PDGFRB: variants seen among roughly 807,000 people sequenced by gnomAD.
PDGFRB encodes platelet derived growth factor receptor beta, also known as platelet-derived growth factor receptor beta.
PDGFRB carries 42 observed loss-of-function variants against 120.2 expected under a neutral mutation model. That is an observed-to-expected ratio of 0.35 (90% CI 0.27 to 0.45). PDGFRB has a LOEUF of 0.45. Ranked by LOEUF, PDGFRB falls within the 20% of genes least tolerant of loss-of-function variation. PDGFRB has a pLI of 1.00. For missense variants in PDGFRB, 1,149 were observed against 1,476.3 expected (o/e 0.78, Z 3.63); for synonymous variants, 586 against 606.8 (o/e 0.97, Z 0.50).
chr5:150,135,529 T>C, intron 3 of PDGFRB, 26 bp downstream of exon 3: 1 of 1,461,514 alleles, frequency 6.8e-7, no homozygotes, highest in Non-Finnish European at 9.5e-7. Context: ...GGGTAAGGAG[T>C]GGGCACACAG....
chr5:150,123,205 C>T lies in PDGFRB; in HGVS notation c.2024-4G>A. On this transcript the variant is annotated splice_polypyrimidine_tract_variant and splice_region_variant and intron_variant, in intron 14 of 22. Transcript: ENST00000261799. ...TCAGTGATGATATAGATGGGTCCTGCAGAGGGACAGGCTCAGGGACAGTCC... is the reference window on the plus strand; with the variant it reads ...TCAGTGATGATATAGATGGGTCCTGTAGAGGGACAGGCTCAGGGACAGTCC... 6.2e-7 allele frequency: 1 copy of T among 1,611,966 alleles called. No homozygotes were observed. Among genetic ancestry groups the T allele is most frequent in the Non-Finnish European group, 8.5e-7 (1 of 1,179,278 alleles).
chr5:150,155,297 CTTTTTTTTT>C (rs35505256), intron 1 of PDGFRB, 91 bp downstream of exon 1: 15 of 119,950 alleles, frequency 1.3e-4, no homozygotes, highest in African/African-American at 3.7e-4. Context: ...AATATCTTCC[CTTTTTTTTT>C]TTTTTTTTTT....
At position 150,134,550 on chromosome 5, in the gene PDGFRB, G is replaced by A. The variant is rs548644533; in HGVS notation, c.631+200C>T. 4.6e-5 allele frequency among the ~76,000 whole-genome samples: 7 copies of A among 152,328 alleles called. No individual in the cohort carries two copies. The East Asian group carries it at 9.6e-4, about 21-fold the overall frequency. On this transcript the variant is annotated intron_variant, in intron 4 of 22. Transcript: ENST00000261799. ...CAGCTCTGCCACTATCGAATTCTGC[G>A]ACAGGGGACAAGCTCCATCCTCTCT...
Position 150,132,025 on chromosome 5 carries a change from G to C in PDGFRB, c.1197C>G (p.Phe399Leu), listed in dbSNP as rs1375825791. ...AEAGHYTMRA[F>L]HEDAEVQLSF... ...AGAGCTGGACCTCAGCATCCTCATG[G>C]AAGGCCCGCATGGTGTAGTGGCCAG... Residue 399 changes from phenylalanine (F) to leucine (L), a missense_variant, in exon 8 of 23, where the codon TTC becomes TTG. Physicochemically the swap from Phe to Leu is conservative, Grantham distance 22. This residue lies in a region of PDGFRB where 879 missense variants were observed against 1,108.6 expected (regional missense o/e 0.79). Coordinates refer to ENST00000261799, the MANE Select transcript of PDGFRB (RefSeq NM_002609.4). This position sits in a 1 kb window ranked among gnomAD's most constrained non-coding sequence, Gnocchi z 5.0. The C allele has an allele frequency of 6.2e-7, 1 of 1,611,804 alleles. No homozygotes were observed. Among genetic ancestry groups the C allele is most frequent in the African/African-American group, 1.3e-5 (1 of 74,992 alleles).
In PDGFRB at chr5:150,118,628, C is replaced by T. The variant is rs550789990; in HGVS notation, c.2904+119G>A. 153 of 714,106 alleles carry T rather than the reference C, an allele frequency of 2.1e-4. 1 individual carries two copies. Among genetic ancestry groups the T allele is most frequent in the Non-Finnish European group, 3.4e-4 (133 of 396,366 alleles). The allele number at this position is 714,106 out of a possible 1,614,324, so 44.2% of individuals were successfully genotyped here. A position where few individuals can be genotyped will look rare whatever the true frequency, so the allele number is the denominator to read the frequency against. ...CCTAGAACCAGCAGGGAAACTGAGG[C>T]CCAGAGAGGACAAAGGGTGGTCCCC... On this transcript the variant is annotated intron_variant, in intron 21 of 22. Transcript: ENST00000261799.
In PDGFRB at chr5:150,119,457, C is replaced by G; in HGVS notation, c.2798+10G>C. On this transcript the variant is annotated intron_variant, in intron 20 of 22. Coordinates refer to ENST00000261799, the MANE Select transcript of PDGFRB (RefSeq NM_002609.4). ...ACAAAATCCTCCCAAATGCATGAGA[C>G]TCCACTCACATCTCGTCGGAGGCAT... The G allele has an allele frequency of 6.7e-7, 1 of 1,492,074 alleles. No individual in the cohort carries two copies. Among genetic ancestry groups the G allele is most frequent in the Non-Finnish European group, 9.4e-7 (1 of 1,068,390 alleles). 92.4% of individuals were successfully genotyped at this position (1,492,074 alleles called of 1,614,324 possible). A position where few individuals can be genotyped will look rare whatever the true frequency, so the allele number is the denominator to read the frequency against.
At chr5:150,124,605 A>G in intron 13 of PDGFRB, 122 bp downstream of exon 13, 1 of 626,656 alleles carries the variant, frequency 1.6e-6, no homozygotes. Flanking sequence ...TGCCTGCTGC[A>G]GTGTGATGGC....
chr5:150,124,148 G>A lies in PDGFRB; in HGVS notation c.2023+102C>T, dbSNP rs562907115. 3 of 737,902 alleles carry A rather than the reference G, an allele frequency of 4.1e-6. No homozygotes were observed. The South Asian group carries it at 5.6e-5, about 14-fold the overall frequency. 45.7% of individuals were successfully genotyped at this position (737,902 alleles called of 1,614,324 possible). A position where few individuals can be genotyped will look rare whatever the true frequency, so the allele number is the denominator to read the frequency against. ...GGAGCGGGTGGGCACGGACCCTCCAGCAGGAGTGTGCTGTTGTGCAAGGCC... is the reference window on the plus strand; with the variant it reads ...GGAGCGGGTGGGCACGGACCCTCCAACAGGAGTGTGCTGTTGTGCAAGGCC... On this transcript the variant is annotated intron_variant, in intron 14 of 22. Coordinates refer to ENST00000261799, the MANE Select transcript of PDGFRB (RefSeq NM_002609.4).
Position 150,115,106 on chromosome 5 carries a change from G to A in PDGFRB, c.*657C>T, listed in dbSNP as rs1337362281. 4.3e-6 allele frequency: 1 copy of A among 233,104 alleles called. No individual in the cohort carries two copies. Among genetic ancestry groups the A allele is most frequent in the African/African-American group, 2.2e-5 (1 of 45,340 alleles). 14.4% of individuals were successfully genotyped at this position (233,104 alleles called of 1,614,324 possible). On this transcript the variant is annotated 3_prime_UTR_variant, in exon 23 of 23. Coordinates refer to ENST00000261799, the MANE Select transcript of PDGFRB (RefSeq NM_002609.4). ...CCAAGTGCCCTGGGCAAGGGCTGCA[G>A]GCTGGGGGTGTCCTGTACTTGGCTC... is the stretch of plus-strand genomic sequence containing the variant.
chr5:150,114,189 G>T lies in PDGFRB; in HGVS notation c.*1574C>A. On this transcript the variant is annotated 3_prime_UTR_variant, in exon 23 of 23. Transcript: ENST00000261799. ...CCCTGGCACCTCCAATGCCCACTGG[G>T]CTGGGGACAATGAGATGTCACTGCT... 4.3e-6 allele frequency: 1 copy of T among 233,336 alleles called. No individual in the cohort carries two copies. The allele number at this position is 233,336 out of a possible 1,614,324, so 14.5% of individuals were successfully genotyped here. A position where few individuals can be genotyped will look rare whatever the true frequency, so the allele number is the denominator to read the frequency against.
At chr5:150,135,072 T>A (rs762588088) in intron 3 of PDGFRB, 56 bp from the exon 4 acceptor site, 20 of 893,560 alleles carry the variant, frequency 2.2e-5, no homozygotes, top group Non-Finnish European at 3.6e-5. Context: ...GGCCATCCCC[T>A]GAATTGCTGT....
intron 19 of PDGFRB, 147 bp downstream of exon 19, chr5:150,119,865 A>G (rs979674406): frequency 1.5e-6 from 1 of 646,632 alleles, no homozygotes; most frequent in African/African-American, 1.8e-5. Context: ...CTAACATCAC[A>G]CAGCAGGGAG....
Position 150,155,424 on chromosome 5 carries a change from C to T in PDGFRB, c.-34G>A. 1 of 389,142 alleles carries T rather than the reference C, an allele frequency of 2.6e-6. No homozygotes were observed. The highest frequency in any genetic ancestry group is 4.5e-6 in the Non-Finnish European group (1 of 221,824). 24.1% of individuals were successfully genotyped at this position (389,142 alleles called of 1,614,324 possible). A position where few individuals can be genotyped will look rare whatever the true frequency, so the allele number is the denominator to read the frequency against. On this transcript the variant is annotated 5_prime_UTR_variant, in exon 1 of 23. Transcript: ENST00000261799. The stretch of plus-strand genomic sequence containing the variant: ...TGCTGCTGATGGCTTCTGGTGTGGG[C>T]ACAGTTCCAGGCTCTGGACAGTCAC...
chr5:150,129,516 C>T (rs1405563925), intron 10 of PDGFRB, among the ~76,000 whole-genome samples: 1 of 152,210 alleles, frequency 6.6e-6, no homozygotes, highest in African/African-American at 2.4e-5. Context: ...TATATGTACA[C>T]CACACTGAAG....
rs894659901 is a variant in PDGFRB, at chr5:150,133,725, G to A, written c.795C>T (p.Leu265=). The stretch of plus-strand genomic sequence containing the variant: ...AGCGGATGTGGTAAGGCATATCCAA[G>A]AGGAAGTCAGTCACCGGCTCCACCA... The part of the protein sequence containing the change: ...GRLVEPVTDF[L]LDMPYHIRSI... Residue 265 remains leucine, a synonymous_variant, in exon 6 of 23, where the codon CTC becomes CTT. Coordinates refer to ENST00000261799, the MANE Select transcript of PDGFRB (RefSeq NM_002609.4). The A allele has an allele frequency of 6.2e-7, 1 of 1,614,066 alleles. No homozygotes were observed. Among genetic ancestry groups the A allele is most frequent in the African/African-American group, 1.3e-5 (1 of 74,940 alleles).
intron 4 of PDGFRB, chr5:150,134,241 G>A: frequency 1.7e-6 from 1 of 572,838 alleles, no homozygotes; most frequent in South Asian, 2.0e-5. Context: ...TGACGTTCTA[G>A]AAGGGATAAC....
rs374866345 is a variant in PDGFRB at position 150,123,248 on chromosome 5, G to A, written c.2024-47C>T. On this transcript the variant is annotated intron_variant, in intron 14 of 22. Transcript: ENST00000261799. The stretch of plus-strand genomic sequence containing the variant: ...GACAGTCCCTATGGAGGCCTCAGGC[G>A]TCCCTTCAAGGCCATGAGGCTAATC... The A allele has an allele frequency of 4.0e-5, 59 of 1,463,278 alleles. No individual in the cohort carries two copies. In the East Asian group the frequency reaches 4.3e-4, roughly 11 times the overall value. 90.6% of individuals were successfully genotyped at this position (1,463,278 alleles called of 1,614,324 possible). A position where few individuals can be genotyped will look rare whatever the true frequency, so the allele number is the denominator to read the frequency against.
chr5:150,114,040 T>G lies in PDGFRB; in HGVS notation c.*1723A>C. 1 of 233,678 alleles carries G rather than the reference T, an allele frequency of 4.3e-6. No homozygotes were observed. Among genetic ancestry groups the G allele is most frequent in the Non-Finnish European group, 8.5e-6 (1 of 118,000 alleles). The allele number at this position is 233,678 out of a possible 1,614,324, so 14.5% of individuals were successfully genotyped here. The stretch of plus-strand genomic sequence containing the variant: ...CCACTCTCCCTCCTTGGACCAACTC[T>G]GGGGATCCCAGGGAAGTAAGGTGCC... On this transcript the variant is annotated 3_prime_UTR_variant, in exon 23 of 23. Coordinates refer to ENST00000261799, the MANE Select transcript of PDGFRB (RefSeq NM_002609.4).
In PDGFRB at chr5:150,132,472, T is replaced by C. The variant is rs1760493158; in HGVS notation, c.1127+278A>G. Reference sequence around the variant, plus strand: ...TGCCTGGCACCCTCTTCCCCAGTCATCTGCCCGTTTACTTCTTGGCTGCTA... The same window carrying C: ...TGCCTGGCACCCTCTTCCCCAGTCACCTGCCCGTTTACTTCTTGGCTGCTA... On this transcript the variant is annotated intron_variant, in intron 7 of 22. Coordinates refer to ENST00000261799, the MANE Select transcript of PDGFRB (RefSeq NM_002609.4). The surrounding 1 kb of genome is among the most constrained non-coding windows in gnomAD (Gnocchi z 5.0). Among the ~76,000 whole-genome samples, 1 of 152,198 alleles carries C rather than the reference T, an allele frequency of 6.6e-6. No individual in the cohort carries two copies. Among genetic ancestry groups the C allele is most frequent in the Admixed American group, 6.5e-5 (1 of 15,282 alleles).
Sources: gnomAD v4.1 joint callset for allele counts (sites outside exome capture counted in the v4.1 genomes callset) on GRCh38, gnomAD v4.1.1 for gene constraint, gnomAD v4.1.1 regional missense constraint, Gnocchi (gnomAD v3.1) non-coding constraint, MANE v1.5 for transcripts, NCBI Gene and HGNC (gene_info 2026-07-23, HGNC 2026-07-21) for gene names.